CFAP77: variants seen among roughly 807,000 people sequenced by gnomAD.
CFAP77 encodes cilia and flagella associated protein 77, also known as cilia- and flagella-associated protein 77.
A neutral mutation model predicts 31.1 loss-of-function variants in CFAP77; 25 were observed. That is an observed-to-expected ratio of 0.80 (90% CI 0.59 to 1.12). The LOEUF is 1.12. Among genes scored for constraint, CFAP77 ranks in the 50% most tolerant of loss-of-function variants. The pLI, the probability that CFAP77 is intolerant of heterozygous loss-of-function variation, is 0.00. For missense variants in CFAP77, 377 were observed against 397.3 expected (o/e 0.95, Z 0.44); for synonymous variants, 151 against 159.9 (o/e 0.94, Z 0.42).
chr9:132,444,590 T>C (rs1179448747), intron 1 of CFAP77, among the ~76,000 whole-genome samples: 1 of 152,148 alleles, frequency 6.6e-6, no homozygotes, highest in Non-Finnish European at 1.5e-5. Flanking sequence ...CCTGAGTCCT[T>C]CCGGCAGGGT....
rs138900601 is a variant in CFAP77, at chr9:132,511,123, T to C, written c.524+11523T>C. Among the ~76,000 whole-genome samples, 4 of 152,198 alleles carry C rather than the reference T, an allele frequency of 2.6e-5. No individual in the cohort carries two copies. In the East Asian group the frequency reaches 7.7e-4, roughly 29 times the overall value. On this transcript the variant is annotated intron_variant, in intron 3 of 5. Transcript: ENST00000393216. The surrounding 1 kb of genome is among the most constrained non-coding windows in gnomAD (Gnocchi z 5.8). ...GAAAATAAAACACAAAACAAACCAA[T>C]ATGCAATCAGCAGGTATAACAGCAA...
chr9:132,475,928 C>T (rs1252379590), intron 1 of CFAP77, among the ~76,000 whole-genome samples: 1 of 152,236 alleles, frequency 6.6e-6, no homozygotes, highest in Non-Finnish European at 1.5e-5. Flanking sequence ...GATAGCCTGG[C>T]ACAGCCTGGC....
At chr9:132,531,203 G>T (rs1019017076) in intron 3 of CFAP77, among the ~76,000 whole-genome samples, 2 of 151,888 alleles carry the variant, frequency 1.3e-5, no homozygotes, top group African/African-American at 4.8e-5. Context: ...CTTCCCTCCC[G>T]CCATGTGTCC....
chr9:132,442,371 C>T (rs950500298), intron 1 of CFAP77, among the ~76,000 whole-genome samples: 2 of 152,032 alleles, frequency 1.3e-5, no homozygotes, highest in Admixed American at 6.6e-5. Flanking sequence ...AGTGACATGG[C>T]GAAAACCTGT....
In CFAP77 at chr9:132,554,935, T is replaced by TCCAC. The variant is rs762639766; in HGVS notation, c.732+11892_732+11895dup. Among the ~76,000 whole-genome samples, 75 of 132,110 alleles carry TCCAC rather than the reference T, an allele frequency of 5.7e-4. No homozygotes were observed. Among genetic ancestry groups the TCCAC allele is most frequent in the African/African-American group, 2.1e-3 (71 of 33,728 alleles). 86.7% of individuals were successfully genotyped at this position (132,110 alleles called of 152,430 possible). On this transcript the variant is annotated intron_variant, in intron 5 of 5. Transcript: ENST00000393216. The surrounding 1 kb of genome is among the most constrained non-coding windows in gnomAD (Gnocchi z 4.1). ...ATGCATGCATGCATGCATCCATCCA[T>TCCAC]CCACCCATCCATCCATCCATCCATC...
intron 1 of CFAP77, among the ~76,000 whole-genome samples, chr9:132,429,781 G>A (rs1385718829): frequency 1.3e-5 from 2 of 151,966 alleles, no homozygotes; most frequent in African/African-American, 2.4e-5. Context: ...GTGTGAACCC[G>A]GGAGGTGGAC....
Position 132,499,735 on chromosome 9 carries a change from T to G in CFAP77, c.524+135T>G, listed in dbSNP as rs1430467380. The G allele has an allele frequency of 2.5e-6, 2 of 787,986 alleles. No homozygotes were observed. Among genetic ancestry groups the G allele is most frequent in the Non-Finnish European group, 4.2e-6 (2 of 477,090 alleles). The allele number at this position is 787,986 out of a possible 1,614,324, so 48.8% of individuals were successfully genotyped here. A position where few individuals can be genotyped will look rare whatever the true frequency, so the allele number is the denominator to read the frequency against. On this transcript the variant is annotated intron_variant, in intron 3 of 5. Transcript: ENST00000393216. The surrounding 1 kb of genome is among the most constrained non-coding windows in gnomAD (Gnocchi z 5.4). ...CTGTCCTCTCTTCAATGACTCTCTC[T>G]TGTGTGACCTCTATAGCCACACCCT...
intron 1 of CFAP77, among the ~76,000 whole-genome samples, chr9:132,422,013 C>CTTT (rs1234375855): frequency 7.0e-6 from 1 of 143,810 alleles, no homozygotes; most frequent in African/African-American, 2.5e-5. Context: ...TCCCAGGTGG[C>CTTT]TTTTTTTTTT....
intron 5 of CFAP77, among the ~76,000 whole-genome samples, chr9:132,549,201 C>T (rs937107201): frequency 2.6e-5 from 4 of 152,240 alleles, no homozygotes; most frequent in African/African-American, 9.6e-5. Flanking sequence ...CCGCCTCTGC[C>T]TCTCCACAAG....
rs73659060 is a variant in CFAP77 at position 132,497,557 on chromosome 9, G to A, written c.196-1138G>A. ...CACCAGGGAGCCACAAGAAGCTGGG[G>A]CTGTGGGCATTTCTTTGGCTTGTGG... On this transcript the variant is annotated intron_variant, in intron 1 of 5. Transcript: ENST00000393216. This position sits in a 1 kb window ranked among gnomAD's most constrained non-coding sequence, Gnocchi z 4.9. 3.9e-4 allele frequency among the ~76,000 whole-genome samples: 59 copies of A among 152,286 alleles called. No individual in the cohort carries two copies. The highest frequency in any genetic ancestry group is 1.4e-3 in the African/African-American group (59 of 41,562).
intron 1 of CFAP77, among the ~76,000 whole-genome samples, chr9:132,467,281 A>G (rs571721455): frequency 1.3e-5 from 2 of 152,280 alleles, no homozygotes; most frequent in East Asian, 3.9e-4. Context: ...CGTTTGTGTA[A>G]TGGATCTCTA....
chr9:132,410,874 C>T (rs1849981732), intron 1 of CFAP77, among the ~76,000 whole-genome samples: 1 of 152,194 alleles, frequency 6.6e-6, no homozygotes. Flanking sequence ...TAAAGGCCGC[C>T]TCTCCGGTTC....
chr9:132,485,425 T>A (rs1019520980), intron 1 of CFAP77, among the ~76,000 whole-genome samples: 3 of 152,208 alleles, frequency 2.0e-5, no homozygotes, highest in Non-Finnish European at 4.4e-5. Context: ...TCGGGTGGCT[T>A]GGCCCCCAAG....
rs1013938005 is a variant in CFAP77 at position 132,462,208 on chromosome 9, G to A, written c.196-36487G>A. Among the ~76,000 whole-genome samples, 4 of 152,008 alleles carry A rather than the reference G, an allele frequency of 2.6e-5. 1 individual carries two copies. The South Asian group carries it at 6.2e-4, about 24-fold the overall frequency. On this transcript the variant is annotated intron_variant, in intron 1 of 5. Transcript: ENST00000393216. ...AGGGAATGGGTTCCCCTGGGACGGAGGGAAGAAAGCCAGCCCCAGTGCCTG... is the reference window on the plus strand; with the variant it reads ...AGGGAATGGGTTCCCCTGGGACGGAAGGAAGAAAGCCAGCCCCAGTGCCTG...
At chr9:132,429,799 T>C (rs1007613284) in intron 1 of CFAP77, among the ~76,000 whole-genome samples, 6 of 151,802 alleles carry the variant, frequency 4.0e-5, no homozygotes, top group African/African-American at 1.5e-4. Context: ...GACAGTGAGC[T>C]GAGATCGCGT....
intron 1 of CFAP77, among the ~76,000 whole-genome samples, chr9:132,478,264 G>A (rs146040271): frequency 6.6e-6 from 1 of 152,054 alleles, no homozygotes; most frequent in Non-Finnish European, 1.5e-5. Context: ...TGAGTTCTGT[G>A]GGTCCTTCTG....
rs559767036 is a variant in CFAP77 at position 132,517,140 on chromosome 9, C to T, written c.524+17540C>T. 1.7e-3 allele frequency among the ~76,000 whole-genome samples: 256 copies of T among 152,196 alleles called. No individual in the cohort carries two copies. Among genetic ancestry groups the T allele is most frequent in the Non-Finnish European group, 2.7e-3 (185 of 67,996 alleles). On this transcript the variant is annotated intron_variant, in intron 3 of 5. Coordinates refer to ENST00000393216, the MANE Select transcript of CFAP77 (RefSeq NM_001282957.2). This position sits in a 1 kb window ranked among gnomAD's most constrained non-coding sequence, Gnocchi z 4.7. ...CATGGATCGGGTGTCGATTTCGTAT[C>T]GTGGAGAGAAGCCCAGCCCTCCAGC...
intron 1 of CFAP77, among the ~76,000 whole-genome samples, chr9:132,416,628 C>T (rs1465333139): frequency 6.7e-6 from 1 of 149,610 alleles, no homozygotes; most frequent in South Asian, 2.1e-4. Flanking sequence ...CAGGCGTGAA[C>T]CACCACACTG....
intron 1 of CFAP77, among the ~76,000 whole-genome samples, chr9:132,445,895 A>C (rs1314835512): frequency 1.3e-5 from 2 of 151,784 alleles, no homozygotes; most frequent in Non-Finnish European, 2.9e-5. Context: ...GAAAGAAAGA[A>C]AAAGAAAAAC....
Sources: gnomAD v4.1 joint callset for allele counts (sites outside exome capture counted in the v4.1 genomes callset) on GRCh38, gnomAD v4.1.1 for gene constraint, Gnocchi (gnomAD v3.1) non-coding constraint, MANE v1.5 for transcripts, NCBI Gene and HGNC (gene_info 2026-07-23, HGNC 2026-07-21) for gene names.